Variants in PKD2L2 observed in about 807,000 individuals in gnomAD.
The protein encoded by PKD2L2 is polycystin 2 like 2, transient receptor potential cation channel.
PKD2L2 carries 67 observed loss-of-function variants against 83.9 expected under a neutral mutation model. That is an observed-to-expected ratio of 0.80 (90% confidence interval 0.66 to 0.98). The LOEUF (loss-of-function observed/expected upper bound fraction) is 0.98. Ranked by LOEUF, PKD2L2 falls within the 50% of genes least tolerant of loss-of-function variation. The pLI, the probability that PKD2L2 is intolerant of heterozygous loss-of-function variation, is 0.00. For missense variants in PKD2L2, 632 were observed against 717.2 expected (o/e 0.88, Z 1.36); for synonymous variants, 223 against 237.8 (o/e 0.94, Z 0.57).
chr5:137,916,475 C>CCTTTT (rs1274018088), intron 8 of PKD2L2, among the ~76,000 whole-genome samples: 1 of 93,216 alleles, frequency 1.1e-5, no homozygotes. Context: ...CACTTTTCTT[C>CCTTTT]TTTTTTTTTT....
chr5:137,925,595 C>T (rs1472204396), intron 11 of PKD2L2, among the ~76,000 whole-genome samples: 1 of 152,212 alleles, frequency 6.6e-6, no homozygotes, highest in African/African-American at 2.4e-5. Context: ...ACGGACAATA[C>T]TTATACTTAC....
chr5:137,903,276 T>C (rs73790082), intron 5 of PKD2L2, among the ~76,000 whole-genome samples: 3,374 of 152,306 alleles, frequency 0.022, 110 homozygotes, highest in African/African-American at 0.076. Flanking sequence ...TCATTTCAAG[T>C]TTCTGCTTGC....
intron 5 of PKD2L2, among the ~76,000 whole-genome samples, chr5:137,901,136 CAA>C (rs368207131): frequency 1.1e-4 from 13 of 118,472 alleles, no homozygotes; most frequent in Non-Finnish European, 1.4e-4. Flanking sequence ...AACTGTGTCT[CAA>C]AAAAAAAAAA....
intron 5 of PKD2L2, among the ~76,000 whole-genome samples, chr5:137,903,176 C>A (rs1203807041): frequency 6.6e-6 from 1 of 152,230 alleles, no homozygotes; most frequent in Non-Finnish European, 1.5e-5. Context: ...CTACATGTAT[C>A]TCATCCGTCT....
intron 1 of PKD2L2, 54 bp downstream of exon 1, chr5:137,889,576 A>T (rs1755754007): frequency 1.0e-5 from 15 of 1,459,030 alleles, no homozygotes; most frequent in Non-Finnish European, 1.4e-5. Context: ...GCAGTTCCAG[A>T]CACCCTGAAA....
chr5:137,928,679 G>A (rs984078181), intron 12 of PKD2L2, among the ~76,000 whole-genome samples: 4 of 152,188 alleles, frequency 2.6e-5, no homozygotes, highest in Non-Finnish European at 5.9e-5. Context: ...TGATCCACCC[G>A]CCTTGGCCTT....
chr5:137,906,177 C>A, intron 5 of PKD2L2, 29 bp from the exon 6 acceptor site: 1 of 1,290,342 alleles, frequency 7.7e-7, no homozygotes, highest in Non-Finnish European at 1.1e-6. Flanking sequence ...TTGAAATGAA[C>A]AGTTGCTTTC....
chr5:137,890,543 T>A lies in PKD2L2; in HGVS notation c.94T>A (p.Leu32Met). ...AGAAATTACAACCACACTTCAGGAA[T>A]TGTTACTCTACTTTATTTTTTTAAT... ...EVEITTTLQE[L>M]LLYFIFLINL... Residue 32 changes from leucine to methionine, a missense_variant, in exon 2 of 15, where the codon TTG becomes ATG. Physicochemically the swap from Leu to Met is conservative, Grantham distance 15. Transcript: ENST00000508883. 1 of 1,563,432 alleles carries A rather than the reference T, an allele frequency of 6.4e-7. No individual in the cohort carries two copies. Among genetic ancestry groups the A allele is most frequent in the Non-Finnish European group, 8.7e-7 (1 of 1,144,848 alleles).
At chr5:137,909,064 T>C (rs1757595085) in intron 8 of PKD2L2, 118 bp downstream of exon 8, 3 of 613,890 alleles carry the variant, frequency 4.9e-6, no homozygotes, top group Non-Finnish European at 8.3e-6. Flanking sequence ...AAACTTAGTT[T>C]GATATTTTCT....
Position 137,942,681 on chromosome 5 carries a change from T to A in PKD2L2, c.*315T>A. ...CCTGGCTAGATTTTTTTTTAATTTT[T>A]GAAATACAGTAATGTTTTATTTAAA... is the stretch of plus-strand genomic sequence containing the variant. On this transcript the variant is annotated 3_prime_UTR_variant, in exon 15 of 15. Coordinates refer to ENST00000508883, the MANE Select transcript of PKD2L2 (RefSeq NM_001300921.2). 1.8e-6 allele frequency: 1 copy of A among 558,394 alleles called. No individual in the cohort carries two copies. The highest frequency in any genetic ancestry group is 3.0e-6 in the Non-Finnish European group (1 of 334,610). The allele number at this position is 558,394 out of a possible 1,614,324, so 34.6% of individuals were successfully genotyped here. A position where few individuals can be genotyped will look rare whatever the true frequency, so the allele number is the denominator to read the frequency against.
At chr5:137,931,178 A>C (rs946727475) in intron 12 of PKD2L2, among the ~76,000 whole-genome samples, 3 of 152,312 alleles carry the variant, frequency 2.0e-5, no homozygotes, top group Admixed American at 6.5e-5. Flanking sequence ...AAGCCTAAAC[A>C]AATCCATTCT....
intron 8 of PKD2L2, among the ~76,000 whole-genome samples, chr5:137,909,958 A>G (rs1757678950): frequency 1.3e-5 from 2 of 152,056 alleles, no homozygotes; most frequent in African/African-American, 4.8e-5. Flanking sequence ...GCTGGGTGCC[A>G]TGGCACCTAT....
chr5:137,925,103 A>C lies in PKD2L2; in HGVS notation c.1615A>C (p.Thr539Pro), dbSNP rs1759265425. The C allele has an allele frequency of 6.4e-7, 1 of 1,569,376 alleles. No individual in the cohort carries two copies. The highest frequency in any genetic ancestry group is 8.8e-7 in the Non-Finnish European group (1 of 1,139,846). The change falls in exon 11 of 15, where the codon ACC becomes CCC. Residue 539 changes from threonine (T) to proline (P), a missense_variant and splice_region_variant. Transcript: ENST00000508883. ...KKAQKDEDKK[T>P]KGSGDLAEQA... ...AGCTCAAAAAGATGAAGACAAGAAA[A>C]CGTAAGATGACTTCTCTCAAATGTT...
chr5:137,909,010 T>C (rs1757588659), intron 8 of PKD2L2, 64 bp downstream of exon 8: 1 of 863,354 alleles, frequency 1.2e-6, no homozygotes, highest in Non-Finnish European at 1.8e-6. Context: ...ATTGGAAAGG[T>C]CTAACCTTCT....
intron 10 of PKD2L2, among the ~76,000 whole-genome samples, chr5:137,923,889 C>G (rs1321396089): frequency 6.6e-6 from 1 of 152,188 alleles, no homozygotes; most frequent in African/African-American, 2.4e-5. Flanking sequence ...ACAATCTAAA[C>G]TCAGAACTCC....
chr5:137,910,652 T>C (rs1757755163), intron 8 of PKD2L2, among the ~76,000 whole-genome samples: 2 of 151,848 alleles, frequency 1.3e-5, no homozygotes, highest in South Asian at 2.1e-4. Context: ...TGGTGGTGTA[T>C]GCCTGTAATC....
chr5:137,929,415 C>T (rs1480503846), intron 12 of PKD2L2, among the ~76,000 whole-genome samples: 3 of 150,054 alleles, frequency 2.0e-5, no homozygotes, highest in East Asian at 2.0e-4. Flanking sequence ...GAGCCGAGAT[C>T]GGGTCATTGC....
At chr5:137,895,429 A>T (rs1756363147) in intron 4 of PKD2L2, among the ~76,000 whole-genome samples, 1 of 148,694 alleles carries the variant, frequency 6.7e-6, no homozygotes, top group Non-Finnish European at 1.5e-5. Context: ...CTATGATCAC[A>T]CCACTGCACT....
chr5:137,937,892 AG>A (rs1760616910), intron 14 of PKD2L2: 1 of 151,352 alleles, frequency 6.6e-6, no homozygotes, highest in Non-Finnish European at 1.5e-5. Context: ...GCCTAAGCTG[AG>A]GGAACACTTG....
Sources: gnomAD v4.1 joint callset for allele counts (sites outside exome capture counted in the v4.1 genomes callset) on GRCh38, gnomAD v4.1.1 for gene constraint, MANE v1.5 for transcripts, NCBI Gene and HGNC (gene_info 2026-07-23, HGNC 2026-07-21) for gene names.